Variants in TP53BP1 observed in about 807,000 individuals in gnomAD.
The protein encoded by TP53BP1 is tumor protein p53 binding protein 1.
A neutral mutation model predicts 200.8 loss-of-function variants in TP53BP1; 61 were observed. That is an observed-to-expected ratio of 0.30 (90% CI 0.25 to 0.38). The LOEUF (loss-of-function observed/expected upper bound fraction) is 0.38, where lower values mean the gene tolerates loss of function less well. Among genes scored for constraint, TP53BP1 ranks in the 10% least tolerant of loss-of-function variants. The probability of loss-of-function intolerance (pLI) is 1.00; values close to 1 mark genes in which losing one functional copy is unlikely to be tolerated. For synonymous variants in TP53BP1, 822 were observed against 844.3 expected (o/e 0.97, Z 0.46); for missense variants, 2,144 against 2,371.9 (o/e 0.90, Z 2.00).
chr15:43,442,111 A>G (rs1407973778), intron 14 of TP53BP1, among the ~76,000 whole-genome samples: 1 of 137,516 alleles, frequency 7.3e-6, no homozygotes, highest in African/African-American at 2.8e-5. Context: ...TTTGAGACAG[A>G]GTCTCACTCT....
intron 4 of TP53BP1, among the ~76,000 whole-genome samples, chr15:43,482,291 A>T (rs2078983393): frequency 6.6e-6 from 1 of 152,200 alleles, no homozygotes; most frequent in African/African-American, 2.4e-5. Context: ...GCATTAAGGA[A>T]ATGATTACAT....
At chr15:43,427,868 G>T (rs2045580260) in intron 18 of TP53BP1, 148 bp downstream of exon 18, 1 of 591,516 alleles carries the variant, frequency 1.7e-6, no homozygotes, top group East Asian at 2.8e-5. Flanking sequence ...GAGGCAGAAG[G>T]ATCACTTGAG....
At chr15:43,506,128 G>A (rs569161529) in intron 1 of TP53BP1, among the ~76,000 whole-genome samples, 1 of 151,920 alleles carries the variant, frequency 6.6e-6, no homozygotes, top group Non-Finnish European at 1.5e-5. Context: ...TGCCAGAGCT[G>A]CCTTAAATCT....
At chr15:43,413,892 G>C (rs1032144065) in intron 23 of TP53BP1, among the ~76,000 whole-genome samples, 1 of 152,044 alleles carries the variant, frequency 6.6e-6, no homozygotes, top group Non-Finnish European at 1.5e-5. Context: ...GAGAATACTT[G>C]GTAATAAAGT....
intron 1 of TP53BP1, among the ~76,000 whole-genome samples, chr15:43,499,824 A>G (rs1465317889): frequency 1.3e-5 from 2 of 152,202 alleles, no homozygotes; most frequent in Non-Finnish European, 2.9e-5. Flanking sequence ...AGCAGTGTAT[A>G]AGGATGAGTA....
intron 12 of TP53BP1, among the ~76,000 whole-genome samples, chr15:43,451,289 T>C (rs1056126563): frequency 6.6e-6 from 1 of 151,998 alleles, no homozygotes; most frequent in Non-Finnish European, 1.5e-5. Flanking sequence ...ACCCATCAAC[T>C]CGTCATTTAG....
At chr15:43,477,826 C>G in intron 7 of TP53BP1, 67 bp from the exon 8 acceptor site, 2 of 1,286,786 alleles carry the variant, frequency 1.6e-6, no homozygotes, top group African/African-American at 3.0e-5. Flanking sequence ...AAAAGCTTTT[C>G]CTGTTTTGTG....
In TP53BP1 at chr15:43,492,272, G is replaced by T; in HGVS notation, c.192+12C>A. On this transcript the variant is annotated intron_variant, in intron 2 of 27. Transcript: ENST00000382044. ...AATCTGCTCAATCTTCTTCAAACAA[G>T]GTATCACTCACCAACACAGGATTTT... The T allele has an allele frequency of 6.2e-7, 1 of 1,608,430 alleles. No homozygotes were observed.
At chr15:43,461,079 A>AC (rs1261826228) in intron 11 of TP53BP1, among the ~76,000 whole-genome samples, 1 of 152,020 alleles carries the variant, frequency 6.6e-6, no homozygotes, top group African/African-American at 2.4e-5. Flanking sequence ...GAAATTCTAT[A>AC]CCCCATAATC....
chr15:43,440,574 G>A (rs1422634560), intron 15 of TP53BP1, among the ~76,000 whole-genome samples: 3 of 151,068 alleles, frequency 2.0e-5, no homozygotes, highest in Non-Finnish European at 4.4e-5. Context: ...GTTATTAACA[G>A]TACCCGCCTA....
intron 17 of TP53BP1, among the ~76,000 whole-genome samples, chr15:43,431,086 A>T (rs2045658628): frequency 6.6e-6 from 1 of 152,190 alleles, no homozygotes; most frequent in Non-Finnish European, 1.5e-5. Flanking sequence ...GGCAGGGAGC[A>T]TATATAGCAT....
At chr15:43,470,631 G>A (rs1036312128) in intron 10 of TP53BP1, among the ~76,000 whole-genome samples, 7 of 152,268 alleles carry the variant, frequency 4.6e-5, no homozygotes, top group South Asian at 4.1e-4. Flanking sequence ...AACTAAGAAA[G>A]AGAAGACACT....
At chr15:43,446,641 C>A (rs1241004561) in intron 13 of TP53BP1, 51 bp from the exon 14 acceptor site, 2 of 1,589,644 alleles carry the variant, frequency 1.3e-6, no homozygotes, top group Admixed American at 3.5e-5. Context: ...AAAATACAAA[C>A]ACAAAAAACA....
chr15:43,409,729 A>C lies in TP53BP1; in HGVS notation c.5318T>G (p.Ile1773Ser). The C allele has an allele frequency of 6.5e-7, 1 of 1,529,866 alleles. No homozygotes were observed. The allele number at this position is 1,529,866 out of a possible 1,614,324, so 94.8% of individuals were successfully genotyped here. A position where few individuals can be genotyped will look rare whatever the true frequency, so the allele number is the denominator to read the frequency against. Residue 1773 changes from isoleucine (I) to serine (S), a missense_variant, in exon 25 of 28, where the codon ATT (isoleucine) becomes AGT (serine). Coordinates refer to ENST00000382044, the MANE Select transcript of TP53BP1 (RefSeq NM_001141980.3). Reference protein sequence around the residue: ...SSEEEEEFLEIPPFNKQYTES... With the variant: ...SSEEEEEFLESPPFNKQYTES... ...TGTATACTGCTTGTTGAAAGGAGGAATTTCCAAAAATTCTATATTAAAAAA... is the reference window on the plus strand; with the variant it reads ...TGTATACTGCTTGTTGAAAGGAGGACTTTCCAAAAATTCTATATTAAAAAA...
At chr15:43,482,283 A>G (rs887012607) in intron 4 of TP53BP1, among the ~76,000 whole-genome samples, 2 of 152,190 alleles carry the variant, frequency 1.3e-5, no homozygotes, top group African/African-American at 2.4e-5. Flanking sequence ...TAAATTCAGC[A>G]TTAAGGAAAT....
rs2044796278 is a variant in TP53BP1, at chr15:43,404,629, A to C, written c.*2754T>G. ...TGAGTTGTAGAATTCTAGAACTGGA[A>C]GAAGACTTTAGTCCAAATACCCTCA... is the stretch of plus-strand genomic sequence containing the variant. On this transcript the variant is annotated 3_prime_UTR_variant, in exon 28 of 28. Transcript: ENST00000382044. 6.7e-7 allele frequency: 1 copy of C among 1,485,324 alleles called. No individual in the cohort carries two copies. The highest frequency in any genetic ancestry group is 9.2e-7 in the Non-Finnish European group (1 of 1,083,964). The allele number at this position is 1,485,324 out of a possible 1,614,324, so 92.0% of individuals were successfully genotyped here.
chr15:43,409,136 C>T lies in TP53BP1; in HGVS notation c.5401-40G>A, dbSNP rs1001543045. ...GCAGAGCCAATGGGTTTGGTGACTT[C>T]TGTGGAAAGCTCCTAAGCAGCAGCC... is the stretch of plus-strand genomic sequence containing the variant. On this transcript the variant is annotated intron_variant, in intron 25 of 27. Transcript: ENST00000382044. 1.9e-6 allele frequency: 3 copies of T among 1,588,634 alleles called. No individual in the cohort carries two copies. In the South Asian group the frequency reaches 3.3e-5, roughly 18 times the overall value.
chr15:43,470,501 A>T (rs1252120285), intron 10 of TP53BP1, among the ~76,000 whole-genome samples: 1 of 152,248 alleles, frequency 6.6e-6, no homozygotes, highest in East Asian at 1.9e-4. Flanking sequence ...TCTATAATTC[A>T]TATTTACGAA....
intron 12 of TP53BP1, among the ~76,000 whole-genome samples, chr15:43,450,257 A>G (rs1034822692): frequency 1.3e-5 from 2 of 152,254 alleles, no homozygotes; most frequent in East Asian, 3.8e-4. Flanking sequence ...TCTAAATGTT[A>G]AGAAGGTCTC....
Sources: gnomAD v4.1 joint callset for allele counts (sites outside exome capture counted in the v4.1 genomes callset) on GRCh38, gnomAD v4.1.1 for gene constraint, MANE v1.5 for transcripts, NCBI Gene and HGNC (gene_info 2026-07-23, HGNC 2026-07-21) for gene names.